The following CATSPER1 variants were observed in gnomAD, a reference collection of about 807,000 sequenced individuals.
CATSPER1 encodes the protein cation channel sperm-associated protein 1.
CATSPER1 carries 57 observed loss-of-function variants against 72.7 expected under a neutral mutation model. The observed-to-expected ratio is 0.78, with a 90% CI of 0.63 to 0.98. CATSPER1 has a LOEUF of 0.98. Among genes scored for constraint, CATSPER1 ranks in the 50% least tolerant of loss-of-function variants. The pLI, the probability that CATSPER1 is intolerant of heterozygous loss-of-function variation, is 0.00. For missense variants in CATSPER1, 910 were observed against 1,033.9 expected (o/e 0.88, Z 1.64); for synonymous variants, 363 against 403.0 (o/e 0.90, Z 1.19).
chr11:66,021,944 A>G lies in CATSPER1; in HGVS notation c.1430-65T>C, dbSNP rs540347721. On this transcript the variant is annotated intron_variant, in intron 2 of 11. Coordinates refer to ENST00000312106, the MANE Select transcript of CATSPER1 (RefSeq NM_053054.4). ...ACCCAGTGCCCTCTCTCTCCTCAGC[A>G]TTAGCCTCACACAAGCCCAGATTCC... is the stretch of plus-strand genomic sequence containing the variant. 5.9e-5 allele frequency: 74 copies of G among 1,260,668 alleles called. No homozygotes were observed. In the South Asian group the frequency reaches 8.4e-4, roughly 14 times the overall value. 78.1% of individuals were successfully genotyped at this position (1,260,668 alleles called of 1,614,324 possible).
At chr11:66,022,748 G>A (rs1856401391) in intron 2 of CATSPER1, 101 bp downstream of exon 2, 13 of 1,095,074 alleles carry the variant, frequency 1.2e-5, no homozygotes, top group Admixed American at 3.5e-5. Context: ...AGGATCAAGT[G>A]AGCTGAGTCC....
At chr11:66,018,955 A>G (rs1159808459) in intron 9 of CATSPER1, 53 bp from the exon 10 acceptor site, 4 of 1,450,930 alleles carry the variant, frequency 2.8e-6, no homozygotes, top group Admixed American at 3.4e-5. Context: ...GAGAGGAGGC[A>G]GAGGAACCCC....
In CATSPER1 at chr11:66,025,700, CCATGGTGGTGGACT is replaced by C. The variant is rs1271817286; in HGVS notation, c.666_679del (p.Val223GlnfsTer6). 6.2e-7 allele frequency: 1 copy of C among 1,613,656 alleles called. No homozygotes were observed. Among genetic ancestry groups the C allele is most frequent in the African/African-American group, 1.3e-5 (1 of 74,768 alleles). On this transcript the variant is annotated frameshift_variant, in exon 1 of 12. Coordinates refer to ENST00000312106, the MANE Select transcript of CATSPER1 (RefSeq NM_053054.4). LOFTEE classifies it high-confidence loss of function. Reference sequence around the variant, plus strand: ...GTGGGCTTCATGATGACGGGACCTGCCATGGTGGTGGACTTGGTGATGGTGGGGCCAGCCACGGT... The same window carrying C: ...GTGGGCTTCATGATGACGGGACCTGCTGGTGATGGTGGGGCCAGCCACGGT...
chr11:66,022,645 GC>G (rs1856399054), intron 2 of CATSPER1, among the ~76,000 whole-genome samples: 1 of 152,248 alleles, frequency 6.6e-6, no homozygotes, highest in Non-Finnish European at 1.5e-5. Context: ...ACCGCCTCCC[GC>G]CTAGCGGGTC....
intron 10 of CATSPER1, 38 bp from the exon 11 acceptor site, chr11:66,017,212 G>A (rs766174677): frequency 1.3e-5 from 19 of 1,486,586 alleles, no homozygotes; most frequent in East Asian, 2.4e-5. Flanking sequence ...ACAGGGGCTG[G>A]GCTGACCTGC....
chr11:66,021,512 C>T lies in CATSPER1; in HGVS notation c.1675G>A (p.Val559Ile). 1 of 1,613,636 alleles carries T rather than the reference C, an allele frequency of 6.2e-7. No homozygotes were observed. Among genetic ancestry groups the T allele is most frequent in the Non-Finnish European group, 8.5e-7 (1 of 1,180,002 alleles). The change falls in exon 4 of 12, where the codon GTC (valine) becomes ATC (isoleucine). Residue 559 changes from valine to isoleucine, a missense_variant. Physicochemically the swap from Val to Ile is conservative, Grantham distance 29. Transcript: ENST00000312106. ...GCCACTGACCTGAGCCTCCGCAGGACCCGGATTGCCCTCAGGGCCCGCAGG... is the reference window on the plus strand; with the variant it reads ...GCCACTGACCTGAGCCTCCGCAGGATCCGGATTGCCCTCAGGGCCCGCAGG... ...KSLRALRAIR[V>I]LRRLSFLTSV...
chr11:66,025,775 A>C lies in CATSPER1; in HGVS notation c.605T>G (p.Leu202Arg). Residue 202 changes from leucine to arginine, a missense_variant, in exon 1 of 12, where the codon CTC (leucine) becomes CGC (arginine). Transcript: ENST00000312106. ...HHSEASHLSG[L>R]QHDESQHHQV... ...GTGATGCTGGGACTCATCGTGTTGG[A>C]GCCCGCTAAGGTGGGAAGCCTCGCT... is the stretch of plus-strand genomic sequence containing the variant. 1 of 1,613,054 alleles carries C rather than the reference A, an allele frequency of 6.2e-7. No homozygotes were observed. Among genetic ancestry groups the C allele is most frequent in the Non-Finnish European group, 8.5e-7 (1 of 1,179,656 alleles).
In CATSPER1 at chr11:66,018,878, C is replaced by T. The variant is rs776435635; in HGVS notation, c.2150G>A (p.Gly717Asp). The change falls in exon 10 of 12, where the codon GGC (glycine) becomes GAC (aspartate). Residue 717 changes from glycine to aspartate, a missense_variant. Physicochemically the swap from Gly to Asp is moderately conservative, Grantham distance 94 (BLOSUM62 -1). Coordinates refer to ENST00000312106, the MANE Select transcript of CATSPER1 (RefSeq NM_053054.4). ...AAEPKEVASE[G>D]TMLKRLIEKK... ...CTCGATGAGCCGCTTCAGCATGGTGCCTTCACTCGCCACCTCTTTGGGCTC... is the reference window on the plus strand; with the variant it reads ...CTCGATGAGCCGCTTCAGCATGGTGTCTTCACTCGCCACCTCTTTGGGCTC... The T allele has an allele frequency of 2.5e-6, 4 of 1,613,982 alleles. No individual in the cohort carries two copies. Among genetic ancestry groups the T allele is most frequent in the Admixed American group, 1.7e-5 (1 of 60,008 alleles).
intron 1 of CATSPER1, among the ~76,000 whole-genome samples, chr11:66,024,692 C>T (rs1325772351): frequency 6.6e-5 from 10 of 152,184 alleles, no homozygotes. Flanking sequence ...AGTTCCTAAT[C>T]TCTGTTCTCA....
Position 66,025,618 on chromosome 11 carries a change from C to A in CATSPER1, c.762G>T (p.Gly254=), listed in dbSNP as rs1270947654. 1.2e-6 allele frequency: 2 copies of A among 1,612,396 alleles called. No homozygotes were observed. Among genetic ancestry groups the A allele is most frequent in the South Asian group, 2.2e-5 (2 of 90,788 alleles). Residue 254 remains glycine (G), a synonymous_variant, in exon 1 of 12, where the codon GGG becomes GGT. Coordinates refer to ENST00000312106, the MANE Select transcript of CATSPER1 (RefSeq NM_053054.4). ...AGTCAGATATCCCACGCTGGTAGGA[C>A]CCCACAGAGGAATGAGGGGAAATGG... The part of the protein sequence containing the change: ...GETISPHSSV[G]SYQRGISDYH...
intron 1 of CATSPER1, among the ~76,000 whole-genome samples, chr11:66,023,438 C>G (rs1856422276): frequency 6.6e-6 from 1 of 152,204 alleles, no homozygotes; most frequent in Non-Finnish European, 1.5e-5. Flanking sequence ...TGCCCTCTCT[C>G]TCCTCAGCAT....
rs753404559 is a variant in CATSPER1, at chr11:66,025,495, C to A, written c.885G>T (p.Arg295=). 1 of 1,608,746 alleles carries A rather than the reference C, an allele frequency of 6.2e-7. No homozygotes were observed. The highest frequency in any genetic ancestry group is 8.5e-7 in the Non-Finnish European group (1 of 1,178,308). Reference sequence around the variant, plus strand: ...CTTGGTGCTGATGGTAGTCTCGGTGCCGGTGGGTCTGGTGGTAGTGGTGCT... The same window carrying A: ...CTTGGTGCTGATGGTAGTCTCGGTGACGGTGGGTCTGGTGGTAGTGGTGCT... ...HTQHHYHQTH[R]HRDYHQHQDH... The change falls in exon 1 of 12, where the codon CGG becomes CGT. Residue 295 remains arginine (R), a synonymous_variant. Transcript: ENST00000312106.
rs748217892 is a variant in CATSPER1, at chr11:66,025,324, G to A, written c.1056C>T (p.His352=). The A allele has an allele frequency of 1.2e-5, 19 of 1,614,086 alleles. No homozygotes were observed. Among genetic ancestry groups the A allele is most frequent in the African/African-American group, 4.0e-5 (3 of 74,926 alleles). The part of the protein sequence containing the change: ...AASRTGVFPY[H]VAHPRGSAHS... ...GAGCCGAGCCCCGTGGGTGTGCTAC[G>A]TGATAGGGGAAGACTCCTGTACGAG... The change falls in exon 1 of 12, where the codon CAC becomes CAT. Residue 352 remains histidine (H), a synonymous_variant. Coordinates refer to ENST00000312106, the MANE Select transcript of CATSPER1 (RefSeq NM_053054.4).
rs768082701 is a variant in CATSPER1 at position 66,025,925 on chromosome 11, G to A, written c.455C>T (p.Pro152Leu). ...GGATAAATTCTCACCGAGATATTGG[G>A]GTCTGCCATGGTGAGACCCCCTATG... ...HYHRGSHHGR[P>L]QYLGENLSHY... The change falls in exon 1 of 12, where the codon CCC becomes CTC. Residue 152 changes from proline (P) to leucine (L), a missense_variant. By Grantham distance (98) the Pro-to-Leu change is moderately conservative. Coordinates refer to ENST00000312106, the MANE Select transcript of CATSPER1 (RefSeq NM_053054.4). The A allele has an allele frequency of 6.2e-7, 1 of 1,613,356 alleles. No homozygotes were observed.
intron 9 of CATSPER1, 42 bp from the exon 10 acceptor site, chr11:66,018,944 G>T: frequency 6.5e-7 from 1 of 1,538,318 alleles, no homozygotes; most frequent in Non-Finnish European, 9.0e-7. Flanking sequence ...GCCTGGATTT[G>T]GAGAGGAGGC....
Position 66,020,209 on chromosome 11 carries a change from A to G in CATSPER1, c.2065-9T>C, listed in dbSNP as rs1419229722. 1 of 1,613,976 alleles carries G rather than the reference A, an allele frequency of 6.2e-7. No homozygotes were observed. The highest frequency in any genetic ancestry group is 1.7e-5 in the Admixed American group (1 of 60,022). ...TGGATCCGGGCGGCCCTCTGGGAAG[A>G]AGAGGCCTCAGATCTGCCAGAGTCC... On this transcript the variant is annotated splice_polypyrimidine_tract_variant and intron_variant, in intron 8 of 11. Coordinates refer to ENST00000312106, the MANE Select transcript of CATSPER1 (RefSeq NM_053054.4). This position sits in a 1 kb window ranked among gnomAD's most constrained non-coding sequence, Gnocchi z 4.5.
chr11:66,020,518 G>C lies in CATSPER1; in HGVS notation c.1991+46C>G. 2 of 1,598,924 alleles carry C rather than the reference G, an allele frequency of 1.3e-6. No homozygotes were observed. The highest frequency in any genetic ancestry group is 1.7e-6 in the Non-Finnish European group (2 of 1,167,140). Reference sequence around the variant, plus strand: ...GGGGTAAGGGTCCCAGGGGAGAGGAGGAAGTGTGGGTGGTGCTGGGCAGCA... The same window carrying C: ...GGGGTAAGGGTCCCAGGGGAGAGGACGAAGTGTGGGTGGTGCTGGGCAGCA... On this transcript the variant is annotated intron_variant, in intron 7 of 11. Coordinates refer to ENST00000312106, the MANE Select transcript of CATSPER1 (RefSeq NM_053054.4). This position sits in a 1 kb window ranked among gnomAD's most constrained non-coding sequence, Gnocchi z 4.5.
At position 66,026,339 on chromosome 11, in the gene CATSPER1, G is replaced by T; in HGVS notation, c.41C>A (p.Ala14Glu). The T allele has an allele frequency of 6.2e-7, 1 of 1,613,978 alleles. No homozygotes were observed. Among genetic ancestry groups the T allele is most frequent in the Non-Finnish European group, 8.5e-7 (1 of 1,179,912 alleles). Reference protein sequence around the residue: ...NSVPEKAQNEADTNNADRFFR... With the variant: ...NSVPEKAQNEEDTNNADRFFR... ...GAACCTATCTGCGTTATTGGTGTCT[G>T]CCTCATTCTGAGCCTTTTCAGGCAC... is the stretch of plus-strand genomic sequence containing the variant. The change falls in exon 1 of 12, where the codon GCA (alanine) becomes GAA (glutamate). Residue 14 changes from alanine (A) to glutamate (E), a missense_variant. By Grantham distance (107) the Ala-to-Glu change is moderately radical. Coordinates refer to ENST00000312106, the MANE Select transcript of CATSPER1 (RefSeq NM_053054.4).
chr11:66,019,133 C>T (rs1053422911), intron 9 of CATSPER1, among the ~76,000 whole-genome samples: 1 of 152,100 alleles, frequency 6.6e-6, no homozygotes, highest in Non-Finnish European at 1.5e-5. Flanking sequence ...ACTTCTACCC[C>T]CTTTCAGTCC....
Sources: gnomAD v4.1 joint callset for allele counts (sites outside exome capture counted in the v4.1 genomes callset) on GRCh38, gnomAD v4.1.1 for gene constraint, Gnocchi (gnomAD v3.1) non-coding constraint, MANE v1.5 for transcripts, NCBI Gene and HGNC (gene_info 2026-07-23, HGNC 2026-07-21) for gene names.